Variants in SAMD5 observed in about 807,000 individuals in gnomAD.
SAMD5 encodes the protein sterile alpha motif domain containing 5.
A neutral mutation model predicts 11.3 loss-of-function variants in SAMD5; 13 were observed. The ratio of observed to expected loss-of-function variants is 1.15; its 90% CI spans 0.75 to 1.83. SAMD5 has a LOEUF of 1.83. Among genes scored for constraint, SAMD5 ranks in the 40% most tolerant of loss-of-function variants. The pLI, the probability that SAMD5 is intolerant of heterozygous loss-of-function variation, is 0.00. For synonymous variants in SAMD5, 129 were observed against 111.3 expected, an observed-to-expected ratio of 1.16 and a Z score of -1.00; for missense variants, 255 against 239.1, an observed-to-expected ratio of 1.07 and a Z score of -0.44.
chr6:147,799,517 C>A, the SAMD5 span, among the ~76,000 whole-genome samples: 3 of 151,312 alleles, frequency 2.0e-5, no homozygotes, highest in Non-Finnish European at 4.4e-5. Context: ...TCCTTCATTT[C>A]AACTTTGGTG....
rs1789052397 is a variant in SAMD5, at chr6:147,567,001, T to A, written c.*2545T>A. ...CAATTGACTAAGAATAAATATGTTA[T>A]AAAAACTAGGGGATTATCTTGATTT... On this transcript the variant is annotated 3_prime_UTR_variant, in exon 2 of 2. Transcript: ENST00000367474. 1.2e-6 allele frequency: 1 copy of A among 845,448 alleles called. No homozygotes were observed. The allele number at this position is 845,448 out of a possible 1,614,324, so 52.4% of individuals were successfully genotyped here. A position where few individuals can be genotyped will look rare whatever the true frequency, so the allele number is the denominator to read the frequency against.
chr6:147,792,795 G>A, the SAMD5 span, among the ~76,000 whole-genome samples: 20,192 of 152,088 alleles, frequency 0.13, 1,706 homozygotes, highest in East Asian at 0.36. Flanking sequence ...GTATGTCAAA[G>A]GAACACTGGG....
At chr6:147,832,840 A>G in the SAMD5 span, among the ~76,000 whole-genome samples, 1 of 152,152 alleles carries the variant, frequency 6.6e-6, no homozygotes, top group East Asian at 1.9e-4. Flanking sequence ...TTGTAAAAGA[A>G]TTTTCTCCAG....
chr6:147,623,318 A>T (rs991499884), intron 1 of SAMD5, among the ~76,000 whole-genome samples: 1 of 152,216 alleles, frequency 6.6e-6, no homozygotes, highest in African/African-American at 2.4e-5. Flanking sequence ...ACATAGTGGG[A>T]TTCTTAATAA....
At chr6:147,522,552 T>TA (rs1319458541) in intron 1 of SAMD5, among the ~76,000 whole-genome samples, 4 of 152,226 alleles carry the variant, frequency 2.6e-5, no homozygotes, top group Admixed American at 1.3e-4. Flanking sequence ...TGAGAAGAAG[T>TA]AAAAAAATGA....
chr6:147,509,761 C>A (rs528833359), intron 1 of SAMD5, among the ~76,000 whole-genome samples: 1 of 152,272 alleles, frequency 6.6e-6, no homozygotes, highest in South Asian at 2.1e-4. Flanking sequence ...ATGGTTAATA[C>A]CTACATTGCT....
At chr6:147,735,086 T>G (rs1791776141) in intron 1 of SAMD5, among the ~76,000 whole-genome samples, 1 of 152,374 alleles carries the variant, frequency 6.6e-6, no homozygotes, top group South Asian at 2.1e-4. Flanking sequence ...AAGAGCTGGT[T>G]AAATGTTTAT....
At chr6:147,640,824 C>T (rs1296549177) in intron 1 of SAMD5, among the ~76,000 whole-genome samples, 1 of 152,190 alleles carries the variant, frequency 6.6e-6, no homozygotes, top group Non-Finnish European at 1.5e-5. Flanking sequence ...TGCATCAATG[C>T]TATTGACCTA....
the SAMD5 span, among the ~76,000 whole-genome samples, chr6:147,766,362 A>G: frequency 2.6e-5 from 4 of 152,134 alleles, no homozygotes; most frequent in Non-Finnish European, 5.9e-5. Context: ...ACCTAGCCCA[A>G]TGAATAAAAA....
chr6:147,870,904 T>C, the SAMD5 span, among the ~76,000 whole-genome samples: 1 of 152,114 alleles, frequency 6.6e-6, no homozygotes, highest in Non-Finnish European at 1.5e-5. Context: ...CTCAGAATTT[T>C]TCCACTGGAT....
At chr6:147,591,360 G>A (rs969119250) in intron 1 of SAMD5, among the ~76,000 whole-genome samples, 3 of 152,164 alleles carry the variant, frequency 2.0e-5, no homozygotes, top group Non-Finnish European at 4.4e-5. Context: ...TATCCCTCAC[G>A]TGCCCAGCAC....
the SAMD5 span, among the ~76,000 whole-genome samples, chr6:147,942,770 G>A: frequency 6.6e-6 from 1 of 151,402 alleles, no homozygotes; most frequent in Non-Finnish European, 1.5e-5. Context: ...CTAAATACTG[G>A]GAATAGCACA....
At chr6:147,947,059 C>G in the SAMD5 span, among the ~76,000 whole-genome samples, 1 of 151,332 alleles carries the variant, frequency 6.6e-6, no homozygotes, top group Non-Finnish European at 1.5e-5. Context: ...GGGGCAAATC[C>G]TTCCTTTGGA....
intron 1 of SAMD5, among the ~76,000 whole-genome samples, chr6:147,519,005 A>C (rs1788213207): frequency 6.6e-6 from 1 of 152,208 alleles, no homozygotes; most frequent in African/African-American, 2.4e-5. Context: ...AAGATATCTC[A>C]TTACTGCTTC....
the SAMD5 span, among the ~76,000 whole-genome samples, chr6:147,810,093 A>C: frequency 6.6e-6 from 1 of 152,204 alleles, no homozygotes; most frequent in Non-Finnish European, 1.5e-5. Context: ...AGTTTATTTT[A>C]AAATGAGAGG....
intron 1 of SAMD5, among the ~76,000 whole-genome samples, chr6:147,667,521 G>A (rs1329957492): frequency 6.6e-6 from 1 of 152,136 alleles, no homozygotes; most frequent in Non-Finnish European, 1.5e-5. Context: ...GATTCTCCTT[G>A]TCCTGTTTGC....
At chr6:147,640,889 G>T (rs1420074023) in intron 1 of SAMD5, among the ~76,000 whole-genome samples, 2 of 152,144 alleles carry the variant, frequency 1.3e-5, no homozygotes, top group Non-Finnish European at 2.9e-5. Context: ...TTATCTTGTT[G>T]CTTAGCAATT....
At chr6:147,861,511 C>G in the SAMD5 span, among the ~76,000 whole-genome samples, 1 of 152,150 alleles carries the variant, frequency 6.6e-6, no homozygotes, top group African/African-American at 2.4e-5. Context: ...AGAACCTCAG[C>G]TTTCCCTCCA....
At chr6:147,542,189 C>T (rs1008080886) in intron 1 of SAMD5, among the ~76,000 whole-genome samples, 1 of 152,176 alleles carries the variant, frequency 6.6e-6, no homozygotes, top group Non-Finnish European at 1.5e-5. Flanking sequence ...CAGCACCCTG[C>T]CAGTAGAGAG....
Sources: allele counts gnomAD v4.1 joint callset (sites outside exome capture counted in the v4.1 genomes callset), GRCh38; gene constraint gnomAD v4.1.1; transcripts MANE v1.5; gene names NCBI Gene and HGNC (gene_info 2026-07-23, HGNC 2026-07-21).